Variants in KSR2 observed in about 807,000 individuals in gnomAD.
The protein encoded by KSR2 is kinase suppressor of ras 2.
In KSR2, 25 loss-of-function variants were observed where a neutral mutation model predicts 107.8. The observed-to-expected ratio is 0.23, with a 90% confidence interval of 0.17 to 0.32. The LOEUF (loss-of-function observed/expected upper bound fraction) is 0.32. KSR2 is among the 10% of genes least tolerant of loss of function. KSR2 has a pLI of 1.00. For missense variants in KSR2, 887 were observed against 1,268.9 expected (o/e 0.70, Z 4.57); for synonymous variants, 480 against 507.0 (o/e 0.95, Z 0.71).
rs917179547 is a variant in KSR2, at chr12:117,453,135, G to A, written c.*14064C>T. ...ATTGCACTAAACACAAGAAACAACAGGCTTGCTGGCTCAGAGGCACACAAA... is the reference window on the plus strand; with the variant it reads ...ATTGCACTAAACACAAGAAACAACAAGCTTGCTGGCTCAGAGGCACACAAA... On this transcript the variant is annotated 3_prime_UTR_variant, in exon 20 of 20. Transcript: ENST00000339824. 1 of 152,620 alleles carries A rather than the reference G, an allele frequency of 6.6e-6. No homozygotes were observed. The highest frequency in any genetic ancestry group is 2.4e-5 in the African/African-American group (1 of 41,438). 9.5% of individuals were successfully genotyped at this position (152,620 alleles called of 1,614,324 possible). A position where few individuals can be genotyped will look rare whatever the true frequency, so the allele number is the denominator to read the frequency against.
At chr12:117,717,041 A>G (rs1887011978) in intron 4 of KSR2, among the ~76,000 whole-genome samples, 1 of 152,216 alleles carries the variant, frequency 6.6e-6, no homozygotes. Flanking sequence ...TCAGAACTGT[A>G]GAAGCTGAGG....
chr12:117,703,382 C>T (rs1886401689), intron 4 of KSR2, among the ~76,000 whole-genome samples: 1 of 152,024 alleles, frequency 6.6e-6, no homozygotes, highest in African/African-American at 2.4e-5. Flanking sequence ...AGAGACATAC[C>T]CAACCTTGAG....
At chr12:117,541,056 G>A (rs1362850950) in intron 9 of KSR2, among the ~76,000 whole-genome samples, 1 of 152,284 alleles carries the variant, frequency 6.6e-6, no homozygotes, top group Admixed American at 6.5e-5. Flanking sequence ...AGCATCAAGT[G>A]CACAGGGCTG....
chr12:117,772,077 C>G (rs936145334), intron 3 of KSR2, among the ~76,000 whole-genome samples: 4 of 149,626 alleles, frequency 2.7e-5, no homozygotes, highest in African/African-American at 9.9e-5. Context: ...GCCGTTCCCC[C>G]AAAGACACAA....
chr12:117,936,727 T>C (rs149012289), intron 1 of KSR2, among the ~76,000 whole-genome samples: 1,770 of 152,244 alleles, frequency 0.012, 25 homozygotes, highest in Middle Eastern at 0.085. Flanking sequence ...TTTATTTGTT[T>C]GTTGTCTGTC....
intron 3 of KSR2, among the ~76,000 whole-genome samples, chr12:117,771,584 C>T (rs950385639): frequency 8.5e-5 from 13 of 152,156 alleles, no homozygotes; most frequent in African/African-American, 3.1e-4. Context: ...GCTTACTGTG[C>T]TTGGGATGGG....
chr12:117,524,237 A>C (rs149637942), intron 14 of KSR2, among the ~76,000 whole-genome samples: 2 of 152,278 alleles, frequency 1.3e-5, no homozygotes, highest in African/African-American at 4.8e-5. Flanking sequence ...GAATATACTC[A>C]TTTCACATAT....
intron 7 of KSR2, among the ~76,000 whole-genome samples, chr12:117,576,948 A>G (rs1011635946): frequency 6.6e-6 from 1 of 152,148 alleles, no homozygotes; most frequent in Non-Finnish European, 1.5e-5. Flanking sequence ...GAGACTCTGC[A>G]TCTGGCCTGT....
rs201075203 is a variant in KSR2, at chr12:117,772,599, GCA to G, written c.473-11077_473-11076del. On this transcript the variant is annotated intron_variant, in intron 3 of 19. Coordinates refer to ENST00000339824, the MANE Select transcript of KSR2 (RefSeq NM_173598.6). ...ACACACACACCATTCCCCCAAAGAC[GCA>G]CACACACACATACACACCATTCTCC... Among the ~76,000 whole-genome samples, 279 of 76,470 alleles carry G rather than the reference GCA, an allele frequency of 3.6e-3. 6 individuals carry two copies. In the East Asian group the frequency reaches 0.091, roughly 25 times the overall value. The allele number at this position is 76,470 out of a possible 152,430, so 50.2% of individuals were successfully genotyped here.
chr12:117,638,798 G>A (rs1883224740), intron 5 of KSR2, among the ~76,000 whole-genome samples: 1 of 152,070 alleles, frequency 6.6e-6, no homozygotes, highest in African/African-American at 2.4e-5. Flanking sequence ...TTTTATCAGG[G>A]CTGGAACTAC....
At chr12:117,602,095 A>C (rs1359375987) in intron 5 of KSR2, among the ~76,000 whole-genome samples, 2 of 152,214 alleles carry the variant, frequency 1.3e-5, no homozygotes, top group African/African-American at 4.8e-5. Context: ...AATTTCATGT[A>C]ATGTTCCTGT....
chr12:117,464,489 T>C lies in KSR2; in HGVS notation c.*2710A>G, dbSNP rs544450881. The C allele has an allele frequency of 2.0e-5, 3 of 152,318 alleles. No homozygotes were observed. In the South Asian group the frequency reaches 6.2e-4, roughly 32 times the overall value. The allele number at this position is 152,318 out of a possible 1,614,324, so 9.4% of individuals were successfully genotyped here. On this transcript the variant is annotated 3_prime_UTR_variant, in exon 20 of 20. Transcript: ENST00000339824. ...AAATATACAGCCTCTTTCCTCTTTTTTTTTCCTCCCTGCGTAAGATGAATA... is the reference window on the plus strand; with the variant it reads ...AAATATACAGCCTCTTTCCTCTTTTCTTTTCCTCCCTGCGTAAGATGAATA...
intron 3 of KSR2, among the ~76,000 whole-genome samples, chr12:117,790,419 T>G (rs1890214631): frequency 6.6e-6 from 1 of 152,164 alleles, no homozygotes; most frequent in South Asian, 2.1e-4. Context: ...AAATACACAA[T>G]TCAGTCTGGC....
intron 7 of KSR2, among the ~76,000 whole-genome samples, chr12:117,563,271 A>T (rs73210200): frequency 6.6e-6 from 1 of 152,314 alleles, no homozygotes; most frequent in Non-Finnish European, 1.5e-5. Flanking sequence ...GTGAAACTCG[A>T]GAACTACCAT....
intron 4 of KSR2, among the ~76,000 whole-genome samples, chr12:117,713,888 A>G (rs1422345884): frequency 6.6e-6 from 1 of 152,230 alleles, no homozygotes; most frequent in Non-Finnish European, 1.5e-5. Flanking sequence ...CCCTGATGCC[A>G]GCAACCCATT....
At chr12:117,841,933 G>A (rs898669471) in intron 3 of KSR2, among the ~76,000 whole-genome samples, 6 of 152,260 alleles carry the variant, frequency 3.9e-5, no homozygotes, top group African/African-American at 9.6e-5. Flanking sequence ...AATATTTGTC[G>A]CTGCTGTTAT....
At position 117,456,465 on chromosome 12, in the gene KSR2, G is replaced by C. The variant is rs1204219962; in HGVS notation, c.*10734C>G. The C allele has an allele frequency of 6.6e-6, 1 of 152,158 alleles. No individual in the cohort carries two copies. 9.4% of individuals were successfully genotyped at this position (152,158 alleles called of 1,614,324 possible). ...AACACATGTAGAAAAATAAGCAGAG[G>C]AAAATGGCTAGAATCTTACAGGACC... On this transcript the variant is annotated 3_prime_UTR_variant, in exon 20 of 20. Transcript: ENST00000339824.
intron 1 of KSR2, among the ~76,000 whole-genome samples, chr12:117,909,155 C>A (rs930052906): frequency 6.6e-6 from 1 of 152,216 alleles, no homozygotes; most frequent in African/African-American, 2.4e-5. Context: ...ACACCCTCAA[C>A]TGCTTCAACC....
At chr12:117,616,718 C>T (rs949996006) in intron 5 of KSR2, among the ~76,000 whole-genome samples, 2 of 152,218 alleles carry the variant, frequency 1.3e-5, no homozygotes, top group East Asian at 1.9e-4. Context: ...TTCTGCCCAA[C>T]CTTGCTTCCT....
Sources: allele counts gnomAD v4.1 joint callset (sites outside exome capture counted in the v4.1 genomes callset), GRCh38; gene constraint gnomAD v4.1.1; transcripts MANE v1.5; gene names NCBI Gene and HGNC (gene_info 2026-07-23, HGNC 2026-07-21).